Variants in GATA3 observed in about 807,000 individuals in gnomAD.
The protein encoded by GATA3 is GATA binding protein 3.
A neutral mutation model predicts 36.0 loss-of-function variants in GATA3; 6 were observed. That is an observed-to-expected ratio of 0.17 (90% CI 0.09 to 0.33). The LOEUF (loss-of-function observed/expected upper bound fraction) is 0.33. GATA3 is among the 10% of genes least tolerant of loss of function. GATA3 has a pLI of 1.00. For synonymous variants in GATA3, 326 were observed against 273.0 expected (o/e 1.19, Z -1.92); for missense variants, 514 against 610.1 (o/e 0.84, Z 1.66).
upstream of GATA3, among the ~76,000 whole-genome samples, chr10:8,054,295 C>T (rs562748669): frequency 6.6e-6 from 1 of 152,366 alleles, no homozygotes; most frequent in East Asian, 1.9e-4. This position sits in a 1 kb window ranked among gnomAD's most constrained non-coding sequence, Gnocchi z 4.2. Context: ...GAAAATTCTG[C>T]CCATCGAAAT....
At chr10:8,050,858 G>C (rs148446296), upstream of GATA3, 1 of 420,576 alleles carries the variant, frequency 2.4e-6, no homozygotes, top group Admixed American at 2.9e-5. Flanking sequence ...CGCGGGATTA[G>C]TAACTTTAGG....
upstream of GATA3, among the ~76,000 whole-genome samples, chr10:8,048,608 A>C (rs571103003): frequency 6.1e-4 from 93 of 152,098 alleles, no homozygotes; most frequent in Non-Finnish European, 1.2e-3. Context: ...CGTGGCACCC[A>C]CCTGTCCCCC....
chr10:8,055,460 C>A lies in GATA3; in HGVS notation c.-196C>A. The A allele has an allele frequency of 1.5e-6, 1 of 649,292 alleles. No homozygotes were observed. Among genetic ancestry groups the A allele is most frequent in the Non-Finnish European group, 2.6e-6 (1 of 382,710 alleles). The allele number at this position is 649,292 out of a possible 1,614,324, so 40.2% of individuals were successfully genotyped here. A position where few individuals can be genotyped will look rare whatever the true frequency, so the allele number is the denominator to read the frequency against. ...TTCTTCTCTTTGCTAAACGACCCCT[C>A]CAAGATAATTTTTAAAAAACCTTCT... is the stretch of plus-strand genomic sequence containing the variant. On this transcript the variant is annotated 5_prime_UTR_variant, in exon 2 of 6. Transcript: ENST00000379328. This position sits in a 1 kb window ranked among gnomAD's most constrained non-coding sequence, Gnocchi z 5.4.
At chr10:8,051,591 G>A (rs953768537), upstream of GATA3, 2 of 154,864 alleles carry the variant, frequency 1.3e-5, no homozygotes, top group African/African-American at 4.8e-5. Context: ...TGGGAGGAAG[G>A]GGACTCGCTA....
chr10:8,052,034 C>G (rs1468631574), upstream of GATA3, among the ~76,000 whole-genome samples: 1 of 152,194 alleles, frequency 6.6e-6, no homozygotes, highest in African/African-American at 2.4e-5. Context: ...ACGTCAAACC[C>G]AGTGTGGCGT....
chr10:8,055,227 A>G lies in GATA3; in HGVS notation c.-369-60A>G, dbSNP rs917635399. On this transcript the variant is annotated intron_variant, in intron 1 of 5. Transcript: ENST00000379328. The surrounding 1 kb of genome is among the most constrained non-coding windows in gnomAD (Gnocchi z 5.4). ...CTGGGCGGGCGGGCGGCGCGAGGGGAGGTTGTGCCACTCCAGCAACTCAGG... is the reference window on the plus strand; with the variant it reads ...CTGGGCGGGCGGGCGGCGCGAGGGGGGGTTGTGCCACTCCAGCAACTCAGG... 1.5e-5 allele frequency: 4 copies of G among 266,038 alleles called. No individual in the cohort carries two copies. The highest frequency in any genetic ancestry group is 5.2e-5 in the Admixed American group (1 of 19,180). 16.5% of individuals were successfully genotyped at this position (266,038 alleles called of 1,614,324 possible). A position where few individuals can be genotyped will look rare whatever the true frequency, so the allele number is the denominator to read the frequency against.
upstream of GATA3, among the ~76,000 whole-genome samples, chr10:8,054,469 C>A (rs1254096621): frequency 4.6e-5 from 7 of 152,106 alleles, no homozygotes; most frequent in South Asian, 2.1e-4. The surrounding 1 kb of genome is among the most constrained non-coding windows in gnomAD (Gnocchi z 4.2). Flanking sequence ...GCCGCCCCTC[C>A]GCCGGCGGCC....
upstream of GATA3, chr10:8,052,582 G>T (rs1832525271): frequency 6.6e-6 from 1 of 152,198 alleles, no homozygotes; most frequent in Admixed American, 6.5e-5. Flanking sequence ...GCTGCGTGGC[G>T]CATCCACCCC....
chr10:8,061,178 C>T (rs435636), intron 3 of GATA3, among the ~76,000 whole-genome samples: 47 of 152,056 alleles, frequency 3.1e-4, no homozygotes, highest in Admixed American at 4.6e-4. Flanking sequence ...TCGCTGGAAA[C>T]GGTTGAAGTC....
intron 4 of GATA3, among the ~76,000 whole-genome samples, chr10:8,066,196 A>G (rs1832839237): frequency 6.6e-6 from 1 of 152,124 alleles, no homozygotes; most frequent in South Asian, 2.1e-4. Flanking sequence ...CTGTCTGGTC[A>G]GATTGCAGAG....
At chr10:8,045,560 C>G (rs965822301) in intron 1 of GATA3, 17 of 152,468 alleles carry the variant, frequency 1.1e-4, no homozygotes, top group African/African-American at 3.6e-4. Context: ...CGCACTCCCT[C>G]TGCCCGCTCC....
upstream of GATA3, chr10:8,051,064 C>G (rs150388952): frequency 2.3e-5 from 12 of 528,098 alleles, no homozygotes; most frequent in South Asian, 8.5e-5. Flanking sequence ...CAGAAAGCCG[C>G]GCCTCCGCTC....
chr10:8,055,529 A>T lies in GATA3; in HGVS notation c.-127A>T. On this transcript the variant is annotated 5_prime_UTR_variant, in exon 2 of 6. Transcript: ENST00000379328. This position sits in a 1 kb window ranked among gnomAD's most constrained non-coding sequence, Gnocchi z 5.4. The stretch of plus-strand genomic sequence containing the variant: ...TCCCAGCCTTCCCATCCCCCCACCG[A>T]AAGCAAATCATTCAACGACCCCCGA... The T allele has an allele frequency of 1.1e-5, 8 of 760,510 alleles. No individual in the cohort carries two copies. Among genetic ancestry groups the T allele is most frequent in the African/African-American group, 1.8e-5 (1 of 55,002 alleles). The allele number at this position is 760,510 out of a possible 1,614,324, so 47.1% of individuals were successfully genotyped here. A position where few individuals can be genotyped will look rare whatever the true frequency, so the allele number is the denominator to read the frequency against.
chr10:8,046,472 G>A (rs1269451679), intron 1 of GATA3, among the ~76,000 whole-genome samples: 1 of 152,136 alleles, frequency 6.6e-6, no homozygotes, highest in Non-Finnish European at 1.5e-5. Context: ...GCAGATGGGA[G>A]ATTAAGAACT....
intron 4 of GATA3, among the ~76,000 whole-genome samples, chr10:8,069,051 A>G (rs2131510398): frequency 6.6e-6 from 1 of 152,330 alleles, no homozygotes; most frequent in South Asian, 2.1e-4. Flanking sequence ...GTGTTTGAAA[A>G]CAACCTCTTG....
At chr10:8,060,803 G>T (rs1185381323) in intron 3 of GATA3, among the ~76,000 whole-genome samples, 1 of 152,176 alleles carries the variant, frequency 6.6e-6, no homozygotes, top group Non-Finnish European at 1.5e-5. Context: ...GTTTCCCTAA[G>T]CCAGAGCTAG....
At chr10:8,070,300 A>T (rs1588389268) in intron 5 of GATA3, among the ~76,000 whole-genome samples, 1 of 152,078 alleles carries the variant, frequency 6.6e-6, no homozygotes, top group Middle Eastern at 3.4e-3. Context: ...AGTCACCTGA[A>T]TTTAGTTGTG....
intron 3 of GATA3, among the ~76,000 whole-genome samples, chr10:8,059,352 C>A (rs1484112092): frequency 6.6e-6 from 1 of 152,190 alleles, no homozygotes; most frequent in African/African-American, 2.4e-5. Context: ...GACGTGTAGA[C>A]ACAAAGTGTG....
Position 8,074,167 on chromosome 10 carries a change from T to G in GATA3, c.*144T>G. On this transcript the variant is annotated 3_prime_UTR_variant, in exon 6 of 6. Coordinates refer to ENST00000379328, the MANE Select transcript of GATA3 (RefSeq NM_001002295.2). The stretch of plus-strand genomic sequence containing the variant: ...AGAAAGCAAAATTATGTTTGCCACT[T>G]TGCAAAGGAGCTCACTGTGGTGTCT... 1 of 904,898 alleles carries G rather than the reference T, an allele frequency of 1.1e-6. No individual in the cohort carries two copies. The highest frequency in any genetic ancestry group is 1.7e-5 in the South Asian group (1 of 57,774). The allele number at this position is 904,898 out of a possible 1,614,324, so 56.1% of individuals were successfully genotyped here. A position where few individuals can be genotyped will look rare whatever the true frequency, so the allele number is the denominator to read the frequency against.
Sources: gnomAD v4.1 joint callset for allele counts (sites outside exome capture counted in the v4.1 genomes callset) on GRCh38, gnomAD v4.1.1 for gene constraint, Gnocchi (gnomAD v3.1) non-coding constraint, MANE v1.5 for transcripts, NCBI Gene and HGNC (gene_info 2026-07-23, HGNC 2026-07-21) for gene names.